HCN1: variants seen among roughly 807,000 people sequenced by gnomAD.
The protein encoded by HCN1 is hyperpolarization activated cyclic nucleotide gated potassium channel 1.
HCN1 carries 13 observed loss-of-function variants against 78.9 expected under a neutral mutation model. That is an observed-to-expected ratio of 0.16 (90% CI 0.11 to 0.26). HCN1 has a LOEUF of 0.26. HCN1 is among the 10% of genes least tolerant of loss of function. The pLI, the probability that HCN1 is intolerant of heterozygous loss-of-function variation, is 1.00. For synonymous variants in HCN1, 552 were observed against 455.5 expected, an observed-to-expected ratio of 1.21 and a Z score of -2.70; for missense variants, 810 against 1,154.3, an observed-to-expected ratio of 0.70 and a Z score of 4.32.
intron 2 of HCN1, among the ~76,000 whole-genome samples, chr5:45,628,522 T>C (rs1326679265): frequency 6.6e-6 from 1 of 152,180 alleles, no homozygotes; most frequent in Non-Finnish European, 1.5e-5. Context: ...TTAATAAGTA[T>C]ACAATTCAGG....
At chr5:45,618,493 G>A (rs1024632674) in intron 2 of HCN1, among the ~76,000 whole-genome samples, 2 of 152,072 alleles carry the variant, frequency 1.3e-5, no homozygotes, top group African/African-American at 4.8e-5. Flanking sequence ...AAACAGAGAA[G>A]TAGCATAGCA....
chr5:45,374,564 A>G (rs1159585865), intron 4 of HCN1, among the ~76,000 whole-genome samples: 1 of 150,068 alleles, frequency 6.7e-6, no homozygotes, highest in Non-Finnish European at 1.5e-5. Context: ...GAACTCTACC[A>G]CATTTATAAA....
chr5:45,374,307 A>ATTATATACATAATATATATATTGTATACC lies in HCN1; in HGVS notation c.1231-21062_1231-21061insGGTATACAATATATATATTATGTATATAA, dbSNP rs1747547730. On this transcript the variant is annotated intron_variant, in intron 4 of 7. Coordinates refer to ENST00000303230, the MANE Select transcript of HCN1 (RefSeq NM_021072.4). ...TATATACATTATATATATTGTATAC[A>ATTATATACATAATATATATATTGTATACC]TTATATACATTATATACATTATATA... Among the ~76,000 whole-genome samples the ATTATATACATAATATATATATTGTATACC allele has an allele frequency of 3.4e-5, 3 of 87,928 alleles. No homozygotes were observed. In the South Asian group the frequency reaches 1.2e-3, roughly 34 times the overall value. 57.7% of individuals were successfully genotyped at this position (87,928 alleles called of 152,430 possible).
At chr5:45,625,318 AAAACAAAAC>A (rs1745142355) in intron 2 of HCN1, among the ~76,000 whole-genome samples, 1 of 151,900 alleles carries the variant, frequency 6.6e-6, no homozygotes, top group Non-Finnish European at 1.5e-5. Context: ...AAAACAAAAC[AAAACAAAAC>A]AAAAAAAACT....
intron 3 of HCN1, among the ~76,000 whole-genome samples, chr5:45,413,270 T>A (rs1191946239): frequency 1.7e-4 from 26 of 152,056 alleles, no homozygotes; most frequent in African/African-American, 2.4e-5. Flanking sequence ...AGTATCAAAG[T>A]AAGTCAGGAA....
intron 2 of HCN1, among the ~76,000 whole-genome samples, chr5:45,539,625 A>T (rs1430077472): frequency 6.6e-6 from 1 of 150,706 alleles, no homozygotes; most frequent in Non-Finnish European, 1.5e-5. Context: ...AGATCGTGCC[A>T]CTGCACTCCA....
chr5:45,511,327 T>C (rs563804563), intron 2 of HCN1, among the ~76,000 whole-genome samples: 79 of 152,204 alleles, frequency 5.2e-4, no homozygotes, highest in Non-Finnish European at 2.2e-4. Flanking sequence ...TACACTCCCC[T>C]AAGGAAGATG....
At chr5:45,587,469 T>A (rs563398755) in intron 2 of HCN1, among the ~76,000 whole-genome samples, 1 of 150,496 alleles carries the variant, frequency 6.6e-6, no homozygotes, top group African/African-American at 2.5e-5. Context: ...AAACACTGCA[T>A]GTTCTCACTC....
intron 7 of HCN1, among the ~76,000 whole-genome samples, chr5:45,265,051 G>A (rs1448194692): frequency 6.6e-6 from 1 of 151,992 alleles, no homozygotes; most frequent in African/African-American, 2.4e-5. Context: ...TTAGCAGGGC[G>A]TGGCAGTGCA....
At chr5:45,349,253 C>T (rs961027817) in intron 5 of HCN1, among the ~76,000 whole-genome samples, 12 of 152,304 alleles carry the variant, frequency 7.9e-5, no homozygotes, top group African/African-American at 2.9e-4. Context: ...GGAAACTGAA[C>T]AACCTGCTCC....
chr5:45,379,118 A>C (rs1255153164), intron 4 of HCN1, among the ~76,000 whole-genome samples: 1 of 152,116 alleles, frequency 6.6e-6, no homozygotes, highest in East Asian at 1.9e-4. Context: ...ATGATTTATA[A>C]TCCTTTGGGT....
intron 1 of HCN1, among the ~76,000 whole-genome samples, chr5:45,683,642 T>A (rs1739747744): frequency 6.6e-6 from 1 of 151,546 alleles, no homozygotes; most frequent in Admixed American, 6.6e-5. Flanking sequence ...AATATATATA[T>A]ATATACACAC....
intron 2 of HCN1, among the ~76,000 whole-genome samples, chr5:45,581,244 A>G (rs1174961438): frequency 6.6e-6 from 1 of 152,160 alleles, no homozygotes; most frequent in Non-Finnish European, 1.5e-5. Flanking sequence ...CTGGTGTGAG[A>G]TGGTATCTCA....
intron 2 of HCN1, among the ~76,000 whole-genome samples, chr5:45,500,927 T>C (rs1742174477): frequency 6.6e-6 from 1 of 152,194 alleles, no homozygotes; most frequent in South Asian, 2.1e-4. Context: ...TTTAACAAAA[T>C]TCACATCAAC....
intron 1 of HCN1, among the ~76,000 whole-genome samples, chr5:45,693,453 T>C (rs753170401): frequency 2.6e-5 from 4 of 152,284 alleles, no homozygotes; most frequent in African/African-American, 7.2e-5. Context: ...TTTCCATTTA[T>C]ACAAGGGAAA....
intron 2 of HCN1, among the ~76,000 whole-genome samples, chr5:45,589,207 T>C (rs568860236): frequency 6.6e-6 from 1 of 152,230 alleles, no homozygotes; most frequent in East Asian, 1.9e-4. Context: ...TAATACACTG[T>C]GTGAGTAGGT....
At chr5:45,636,415 T>C (rs1165934481) in intron 2 of HCN1, among the ~76,000 whole-genome samples, 1 of 152,204 alleles carries the variant, frequency 6.6e-6, no homozygotes, top group African/African-American at 2.4e-5. Context: ...ATATATGGTA[T>C]CTGCATGCAC....
Position 45,438,600 on chromosome 5 carries a change from A to C in HCN1, c.1011+23246T>G, listed in dbSNP as rs1181994566. ...GCGAGACTCCGTCTCAAAAAAAAAA[A>C]AACAAAACAAACAAAAAAAGAAAAA... On this transcript the variant is annotated intron_variant, in intron 3 of 7. Transcript: ENST00000303230. Among the ~76,000 whole-genome samples, 5 of 151,846 alleles carry C rather than the reference A, an allele frequency of 3.3e-5. 1 individual carries two copies. Among genetic ancestry groups the C allele is most frequent in the Admixed American group, 2.0e-4 (3 of 15,246 alleles).
At chr5:45,334,129 T>TA (rs1746403519) in intron 5 of HCN1, among the ~76,000 whole-genome samples, 1 of 151,882 alleles carries the variant, frequency 6.6e-6, no homozygotes, top group Non-Finnish European at 1.5e-5. Flanking sequence ...ATTATAACAA[T>TA]AAAAACAAGC....
Sources: gnomAD v4.1 joint callset for allele counts (sites outside exome capture counted in the v4.1 genomes callset) on GRCh38, gnomAD v4.1.1 for gene constraint, MANE v1.5 for transcripts, NCBI Gene and HGNC (gene_info 2026-07-23, HGNC 2026-07-21) for gene names.